The following GALNT8 variants were observed in gnomAD, a reference collection of about 807,000 sequenced individuals.
GALNT8 encodes the protein polypeptide N-acetylgalactosaminyltransferase 8.
In GALNT8, 66 loss-of-function variants were observed where a neutral mutation model predicts 62.7. That is an observed-to-expected ratio of 1.05 (90% CI 0.86 to 1.29). The LOEUF (loss-of-function observed/expected upper bound fraction) is 1.29. GALNT8 is among the 50% of genes most tolerant of loss of function. GALNT8 has a pLI of 0.00. For missense variants in GALNT8, 771 were observed against 791.8 expected (o/e 0.97, Z 0.32); for synonymous variants, 288 against 294.3 (o/e 0.98, Z 0.22).
chr12:4,761,186 G>T, intron 7 of GALNT8, 43 bp downstream of exon 7: 1 of 1,563,434 alleles, frequency 6.4e-7, no homozygotes, highest in Non-Finnish European at 8.8e-7. Flanking sequence ...AATGAAAGAG[G>T]AGGAGGTGGC....
chr12:4,735,664 C>A (rs1946241345), intron 2 of GALNT8, among the ~76,000 whole-genome samples: 1 of 152,158 alleles, frequency 6.6e-6, no homozygotes, highest in Admixed American at 6.5e-5. Context: ...TCCAGTTGCC[C>A]CTTCTCCAAC....
In GALNT8 at chr12:4,763,400, A is replaced by T. The variant is rs776091764; in HGVS notation, c.1497+10A>T. 2.5e-6 allele frequency: 4 copies of T among 1,604,012 alleles called. No individual in the cohort carries two copies. Among genetic ancestry groups the T allele is most frequent in the Non-Finnish European group, 8.5e-7 (1 of 1,173,288 alleles). On this transcript the variant is annotated intron_variant, in intron 8 of 10. Coordinates refer to ENST00000252318, the MANE Select transcript of GALNT8 (RefSeq NM_017417.2). Reference sequence around the variant, plus strand: ...CGTGGGCTATGGAAGAGTATGTATTATGAAATTGCACTTTGGATTTTAAAT... The same window carrying T: ...CGTGGGCTATGGAAGAGTATGTATTTTGAAATTGCACTTTGGATTTTAAAT...
At chr12:4,732,031 A>G (rs1946224105) in intron 2 of GALNT8, among the ~76,000 whole-genome samples, 1 of 152,192 alleles carries the variant, frequency 6.6e-6, no homozygotes, top group Non-Finnish European at 1.5e-5. Flanking sequence ...GTGACTGCAC[A>G]GGTTGCATAC....
At chr12:4,754,618 G>C (rs1393471223) in intron 6 of GALNT8, among the ~76,000 whole-genome samples, 3 of 151,288 alleles carry the variant, frequency 2.0e-5, no homozygotes, top group Admixed American at 6.6e-5. Context: ...GCCCAGAGCA[G>C]GTCCAGAAAT....
chr12:4,748,780 T>C (rs1946311096), intron 6 of GALNT8, among the ~76,000 whole-genome samples: 1 of 152,088 alleles, frequency 6.6e-6, no homozygotes, highest in South Asian at 2.1e-4. Flanking sequence ...ATAGGGATTG[T>C]ATTTAATCCG....
intron 2 of GALNT8, among the ~76,000 whole-genome samples, chr12:4,734,292 G>C (rs1186549750): frequency 6.6e-6 from 1 of 152,154 alleles, no homozygotes; most frequent in Non-Finnish European, 1.5e-5. Context: ...TGGAGACTCT[G>C]CTCCTACTCT....
At chr12:4,744,761 T>G in intron 4 of GALNT8, 61 bp downstream of exon 4, 1 of 1,121,884 alleles carries the variant, frequency 8.9e-7, no homozygotes, top group Non-Finnish European at 1.3e-6. Flanking sequence ...GTGCATGTAC[T>G]GAACACAAGA....
At position 4,761,122 on chromosome 12, in the gene GALNT8, G is replaced by A. The variant is rs774927231; in HGVS notation, c.1338G>A (p.Leu446=). The change falls in exon 7 of 11, where the codon TTG becomes TTA. Residue 446 remains leucine, a synonymous_variant. Coordinates refer to ENST00000252318, the MANE Select transcript of GALNT8 (RefSeq NM_017417.2). Reference sequence around the variant, plus strand: ...ATGAGCACAAACACATGGTCTACTTGGCCTGGAACATACCTCTCCAGGTGA... The same window carrying A: ...ATGAGCACAAACACATGGTCTACTTAGCCTGGAACATACCTCTCCAGGTGA... ...WMDEHKHMVY[L]AWNIPLQNSG... is the part of the protein sequence containing the mutation. 6.8e-6 allele frequency: 11 copies of A among 1,613,926 alleles called. No homozygotes were observed. The highest frequency in any genetic ancestry group is 3.3e-4 in the Middle Eastern group (2 of 6,084).
chr12:4,736,767 T>A (rs1946247236), intron 2 of GALNT8, among the ~76,000 whole-genome samples: 1 of 152,154 alleles, frequency 6.6e-6, no homozygotes, highest in Non-Finnish European at 1.5e-5. Context: ...TACTAGATGC[T>A]TTGTCTAAAA....
chr12:4,765,803 G>A (rs985165928), intron 10 of GALNT8, among the ~76,000 whole-genome samples: 2 of 152,150 alleles, frequency 1.3e-5, no homozygotes, highest in Admixed American at 6.5e-5. Context: ...AAAGGGAGGT[G>A]ATCATGTAAT....
chr12:4,730,941 G>A (rs1430356255), intron 2 of GALNT8, among the ~76,000 whole-genome samples: 1 of 147,018 alleles, frequency 6.8e-6, no homozygotes, highest in African/African-American at 2.5e-5. Context: ...TCCACCTCCT[G>A]GGTTCATGCC....
At chr12:4,762,867 C>G (rs1365468563) in intron 7 of GALNT8, among the ~76,000 whole-genome samples, 1 of 152,220 alleles carries the variant, frequency 6.6e-6, no homozygotes, top group Non-Finnish European at 1.5e-5. Flanking sequence ...AGAATCACAG[C>G]AGATTCAGAG....
chr12:4,727,694 G>A (rs760472086), intron 2 of GALNT8, among the ~76,000 whole-genome samples: 7 of 152,010 alleles, frequency 4.6e-5, no homozygotes, highest in East Asian at 1.9e-4. Flanking sequence ...TCAATACTTC[G>A]TTCCTTTTTA....
At chr12:4,766,718 C>A (rs1289565072) in intron 10 of GALNT8, among the ~76,000 whole-genome samples, 5 of 152,024 alleles carry the variant, frequency 3.3e-5, no homozygotes, top group African/African-American at 1.2e-4. Flanking sequence ...GCAGTACCTC[C>A]TGGAGGGAGC....
chr12:4,735,753 C>T (rs866118570), intron 2 of GALNT8, among the ~76,000 whole-genome samples: 8 of 152,094 alleles, frequency 5.3e-5, no homozygotes, highest in Non-Finnish European at 1.0e-4. Flanking sequence ...CCACCTCCTT[C>T]CCCCCAGCCC....
At chr12:4,735,697 A>G (rs1946241505) in intron 2 of GALNT8, among the ~76,000 whole-genome samples, 1 of 152,148 alleles carries the variant, frequency 6.6e-6, no homozygotes, top group Non-Finnish European at 1.5e-5. Context: ...TGGAAGTTCC[A>G]TACCAGAATG....
In GALNT8 at chr12:4,763,305, A is replaced by C; in HGVS notation, c.1412A>C (p.Lys471Thr). 6.2e-7 allele frequency: 1 copy of C among 1,612,374 alleles called. No homozygotes were observed. Among genetic ancestry groups the C allele is most frequent in the African/African-American group, 1.3e-5 (1 of 75,018 alleles). ...DVSSRMALRE[K>T]LKCKTFDWYL... ...TCTTCCAGAATGGCACTCCGGGAAA[A>C]ACTGAAATGTAAAACTTTTGACTGG... is the stretch of plus-strand genomic sequence containing the variant. Residue 471 changes from lysine to threonine, a missense_variant, in exon 8 of 11, where the codon AAA becomes ACA. Physicochemically the swap from Lys to Thr is moderately conservative, Grantham distance 78. Coordinates refer to ENST00000252318, the MANE Select transcript of GALNT8 (RefSeq NM_017417.2).
chr12:4,726,504 C>A lies in GALNT8; in HGVS notation c.212-28C>A. ...CTAAGGAGGGGCTGAAATGTTTTCT[C>A]TCCCACCCCTGTCCTCTTCATTTGC... On this transcript the variant is annotated intron_variant, in intron 1 of 10. Coordinates refer to ENST00000252318, the MANE Select transcript of GALNT8 (RefSeq NM_017417.2). This position sits in a 1 kb window ranked among gnomAD's most constrained non-coding sequence, Gnocchi z 4.1. 6.4e-7 allele frequency: 1 copy of A among 1,561,854 alleles called. No individual in the cohort carries two copies. Among genetic ancestry groups the A allele is most frequent in the Non-Finnish European group, 8.7e-7 (1 of 1,145,828 alleles).
At chr12:4,770,328 A>G (rs7300707) in intron 10 of GALNT8, among the ~76,000 whole-genome samples, 2,209 of 151,966 alleles carry the variant, frequency 0.015, 62 homozygotes, top group African/African-American at 0.05. Context: ...AACAAAAAAC[A>G]AACAACAAAA....
Sources: allele counts gnomAD v4.1 joint callset (sites outside exome capture counted in the v4.1 genomes callset), GRCh38; gene constraint gnomAD v4.1.1; non-coding constraint Gnocchi (gnomAD v3.1); transcripts MANE v1.5; gene names NCBI Gene and HGNC (gene_info 2026-07-23, HGNC 2026-07-21).